DLG3: variants seen among roughly 807,000 people sequenced by gnomAD.
DLG3 encodes discs large MAGUK scaffold protein 3.
Under a neutral mutation model 64.1 loss-of-function variants are expected in DLG3, and 1 was observed. The ratio of observed to expected loss-of-function variants is 0.02; its 90% CI spans 0.01 to 0.07. The LOEUF (loss-of-function observed/expected upper bound fraction) is 0.07. DLG3 is among the 10% of genes least tolerant of loss of function. The pLI is 1.00. For synonymous variants in DLG3, 245 were observed against 259.8 expected (o/e 0.94, Z 0.55); for missense variants, 429 against 669.5 (o/e 0.64, Z 3.96).
intron 9 of DLG3, among the ~76,000 whole-genome samples, chrX:70,476,108 G>T (rs1164458601): frequency 2.7e-5 from 3 of 111,675 alleles, no homozygotes; most frequent in Non-Finnish European, 5.6e-5. Flanking sequence ...AGTGACTGGG[G>T]CAAAACCCTT....
At chrX:70,448,511 G>A in intron 1 of DLG3, 30 of 979,661 alleles carry the variant, frequency 3.1e-5, no homozygotes, top group Non-Finnish European at 4.2e-5. Flanking sequence ...TAGGCCACTG[G>A]GTATCCCCTA....
rs183339643 is a variant in DLG3 at position 70,478,128 on chromosome X, C to T, written c.1406-1022C>T. Among the ~76,000 whole-genome samples the T allele has an allele frequency of 2.9e-3, 323 of 112,462 alleles. 1 individual carries two copies. Among genetic ancestry groups the T allele is most frequent in the African/African-American group, 1.0e-2 (309 of 30,967 alleles). ...GTGTGCCTGTTTTCTAGCATTTCCA[C>T]GGCCTGTGGCCTTAGATATACCCCA... On this transcript the variant is annotated intron_variant, in intron 9 of 18. Coordinates refer to ENST00000374360, the MANE Select transcript of DLG3 (RefSeq NM_021120.4).
chrX:70,496,658 C>G (rs917488124), intron 13 of DLG3, among the ~76,000 whole-genome samples: 1 of 112,291 alleles, frequency 8.9e-6, no homozygotes, highest in Admixed American at 9.4e-5. Flanking sequence ...GGCAGGAAGG[C>G]TGGGGAGCCC....
In DLG3 at chrX:70,454,308, G is replaced by A; in HGVS notation, c.1397G>A (p.Arg466Lys). 1 of 1,207,424 alleles carries A rather than the reference G, an allele frequency of 8.3e-7. No individual in the cohort carries two copies. The highest frequency in any genetic ancestry group is 1.1e-6 in the Non-Finnish European group (1 of 891,599). ...GQSVTIVAQY[R>K]PEEYSRFESK... ...TCAGTCACCATTGTGGCCCAGTACAGACCTGAAGGTAGGAGAAGGGAAGGT... is the reference window on the plus strand; with the variant it reads ...TCAGTCACCATTGTGGCCCAGTACAAACCTGAAGGTAGGAGAAGGGAAGGT... Residue 466 changes from arginine to lysine, a missense_variant, in exon 9 of 19, where the codon AGA (arginine) becomes AAA (lysine). By Grantham distance (26) the Arg-to-Lys change is conservative (BLOSUM62 2). This residue lies in a region of DLG3 where 46 missense variants were observed against 52.3 expected (regional missense o/e 0.88). Transcript: ENST00000374360.
chrX:70,473,157 C>CAAAAAAAA (rs59440260), intron 9 of DLG3, among the ~76,000 whole-genome samples: 1 of 42,176 alleles, frequency 2.4e-5, no homozygotes. Context: ...AACTCCGTCT[C>CAAAAAAAA]AAAAAAAAAA....
chrX:70,469,973 G>A (rs1337234580), intron 9 of DLG3, among the ~76,000 whole-genome samples: 1 of 111,610 alleles, frequency 9.0e-6, no homozygotes, highest in Non-Finnish European at 1.9e-5. Context: ...TTTGAGATTT[G>A]AATGTCTGCA....
intron 9 of DLG3, among the ~76,000 whole-genome samples, chrX:70,463,824 A>T (rs911034983): frequency 9.0e-6 from 1 of 111,234 alleles, no homozygotes; most frequent in East Asian, 2.8e-4. Context: ...TGTGTCAGAT[A>T]AGTGGTAGTG....
chrX:70,457,416 G>T (rs773256667), intron 9 of DLG3, among the ~76,000 whole-genome samples: 4 of 111,987 alleles, frequency 3.6e-5, no homozygotes, highest in South Asian at 7.5e-4. Flanking sequence ...TAAAAAATAG[G>T]TTTGACTAAT....
chrX:70,450,303 G>A lies in DLG3; in HGVS notation c.838G>A (p.Ala280Thr). The part of the protein sequence containing the change: ...GRLQIGDRLL[A>T]VNNTNLQDVR... Reference sequence around the variant, plus strand: ...CCTACAGATTGGGGACCGGCTGCTGGCGGTGAGACAGACTTCATGGGGATG... The same window carrying A: ...CCTACAGATTGGGGACCGGCTGCTGACGGTGAGACAGACTTCATGGGGATG... The change falls in exon 5 of 19, where the codon GCG (alanine) becomes ACG (threonine). Residue 280 changes from alanine (A) to threonine (T), a missense_variant and splice_region_variant. Coordinates refer to ENST00000374360, the MANE Select transcript of DLG3 (RefSeq NM_021120.4). 8.5e-7 allele frequency: 1 copy of A among 1,177,483 alleles called. No homozygotes were observed. The highest frequency in any genetic ancestry group is 1.1e-6 in the Non-Finnish European group (1 of 878,032).
chrX:70,492,722 G>A (rs764312234), intron 12 of DLG3, 126 bp downstream of exon 12: 2 of 625,515 alleles, frequency 3.2e-6, no homozygotes, highest in East Asian at 3.6e-5. Context: ...GGCTGGCTCT[G>A]TCCTATCAGA....
At chrX:70,448,461 C>A in intron 1 of DLG3, 1 of 575,829 alleles carries the variant, frequency 1.7e-6, no homozygotes, top group South Asian at 3.2e-5. Flanking sequence ...ATCCCCCAGT[C>A]AGGGAGAACT....
In DLG3 at chrX:70,450,192, G is replaced by A; in HGVS notation, c.727G>A (p.Gly243Ser). The A allele has an allele frequency of 8.3e-7, 1 of 1,210,705 alleles. No homozygotes were observed. ...PKGLGFSIAG[G>S]IGNQHIPGDN... ...AGGCCTGGGTTTCAGCATTGCTGGG[G>A]GTATTGGCAACCAGCACATCCCAGG... The change falls in exon 5 of 19, where the codon GGT (glycine) becomes AGT (serine). Residue 243 changes from glycine to serine, a missense_variant. Coordinates refer to ENST00000374360, the MANE Select transcript of DLG3 (RefSeq NM_021120.4).
At chrX:70,448,638 G>A in intron 1 of DLG3, 1 of 1,161,792 alleles carries the variant, frequency 8.6e-7, no homozygotes, top group Non-Finnish European at 1.2e-6. Context: ...CTCTCGGTGA[G>A]TGCACCACTG....
chrX:70,455,020 G>A, intron 9 of DLG3: 2 of 754,286 alleles, frequency 2.7e-6, no homozygotes, highest in Non-Finnish European at 3.1e-6. Flanking sequence ...GTGGCCATTG[G>A]CCGGCTGAGG....
intron 4 of DLG3, 33 bp from the exon 5 acceptor site, chrX:70,450,136 G>T (rs1218282302): frequency 1.7e-6 from 2 of 1,209,354 alleles, no homozygotes; most frequent in East Asian, 3.0e-5. Flanking sequence ...TCTCCTTGTG[G>T]CCCTCTCCCA....
rs200883696 is a variant in DLG3, at chrX:70,449,729, G to A, written c.573G>A (p.Val191=). 310 of 1,209,508 alleles carry A rather than the reference G, an allele frequency of 2.6e-4. No individual in the cohort carries two copies. The highest frequency in any genetic ancestry group is 3.2e-4 in the Non-Finnish European group (286 of 895,105). The stretch of plus-strand genomic sequence containing the variant: ...TGCTGCGGGTGAATGAGGTGGACGT[G>A]TCGGAGGTGGTACACAGCCGGGCGG... ...DCVLRVNEVD[V]SEVVHSRAVE... is the part of the protein sequence containing the mutation. The change falls in exon 4 of 19, where the codon GTG becomes GTA. Residue 191 remains valine, a synonymous_variant. Coordinates refer to ENST00000374360, the MANE Select transcript of DLG3 (RefSeq NM_021120.4).
Position 70,451,925 on chromosome X carries a change from G to C in DLG3, c.1044G>C (p.Gly348=). The change falls in exon 7 of 19, where the codon GGG becomes GGC. Residue 348 remains glycine (G), a synonymous_variant. Coordinates refer to ENST00000374360, the MANE Select transcript of DLG3 (RefSeq NM_021120.4). ...ISHNSSLGYL[G]AVESKVSYPA... Reference sequence around the variant, plus strand: ...ATAATTCCAGCCTGGGTTATCTCGGGGCTGTGGAGAGCAAGGTCAGCTACC... The same window carrying C: ...ATAATTCCAGCCTGGGTTATCTCGGCGCTGTGGAGAGCAAGGTCAGCTACC... 2 of 1,211,248 alleles carry C rather than the reference G, an allele frequency of 1.7e-6. No homozygotes were observed. Among genetic ancestry groups the C allele is most frequent in the Non-Finnish European group, 2.2e-6 (2 of 895,317 alleles).
intron 1 of DLG3, among the ~76,000 whole-genome samples, chrX:70,448,133 G>C (rs948227436): frequency 8.9e-6 from 1 of 112,129 alleles, no homozygotes; most frequent in African/African-American, 3.2e-5. Context: ...CTGCCTATTT[G>C]AGGAATTGGG....
At chrX:70,458,621 T>C (rs1310731727) in intron 9 of DLG3, among the ~76,000 whole-genome samples, 1 of 112,715 alleles carries the variant, frequency 8.9e-6, no homozygotes, top group Non-Finnish European at 1.9e-5. Context: ...GTTTGCTTAA[T>C]GTGGGTTTAA....
Sources: gnomAD v4.1 joint callset for allele counts (sites outside exome capture counted in the v4.1 genomes callset) on GRCh38, gnomAD v4.1.1 for gene constraint, gnomAD v4.1.1 regional missense constraint, MANE v1.5 for transcripts, NCBI Gene and HGNC (gene_info 2026-07-23, HGNC 2026-07-21) for gene names.